GRM8: variants seen among roughly 807,000 people sequenced by gnomAD.
GRM8 encodes the protein glutamate metabotropic receptor 8.
A neutral mutation model predicts 87.2 loss-of-function variants in GRM8; 47 were observed. The observed-to-expected ratio is 0.54, with a 90% CI of 0.43 to 0.69. The LOEUF is 0.69. Ranked by LOEUF, GRM8 falls within the 30% of genes least tolerant of loss-of-function variation. The pLI is 0.00. For missense variants in GRM8, 1,019 were observed against 1,139.2 expected (o/e 0.89, Z 1.52); for synonymous variants, 396 against 404.5 (o/e 0.98, Z 0.25).
At chr7:126,886,424 T>C (rs1313149629) in intron 6 of GRM8, among the ~76,000 whole-genome samples, 2 of 152,148 alleles carry the variant, frequency 1.3e-5, no homozygotes, top group Non-Finnish European at 2.9e-5. Flanking sequence ...TGATCAGAGA[T>C]CTAGTGCACA....
chr7:127,019,418 T>C (rs1816032041), intron 3 of GRM8, among the ~76,000 whole-genome samples: 1 of 152,082 alleles, frequency 6.6e-6, no homozygotes, highest in African/African-American at 2.4e-5. Context: ...GACATTTAAA[T>C]AGCATTATTT....
intron 9 of GRM8, among the ~76,000 whole-genome samples, chr7:126,471,747 T>C (rs1805277554): frequency 1.3e-5 from 2 of 152,032 alleles, no homozygotes; most frequent in South Asian, 2.1e-4. Context: ...GGTAGCTTGA[T>C]GGGGATGGCA....
intron 2 of GRM8, among the ~76,000 whole-genome samples, chr7:127,187,925 T>C (rs1049363134): frequency 6.6e-6 from 1 of 152,242 alleles, no homozygotes; most frequent in Non-Finnish European, 1.5e-5. Flanking sequence ...ATCTCTGATC[T>C]CATTATTCCT....
At chr7:126,571,887 C>T (rs1441197132) in intron 8 of GRM8, among the ~76,000 whole-genome samples, 3 of 151,918 alleles carry the variant, frequency 2.0e-5, no homozygotes, top group Non-Finnish European at 2.9e-5. Flanking sequence ...ATTACAGATG[C>T]ATGCCACCAT....
intron 7 of GRM8, among the ~76,000 whole-genome samples, chr7:126,624,130 A>G (rs1442714628): frequency 6.6e-6 from 1 of 152,180 alleles, no homozygotes; most frequent in Admixed American, 6.5e-5. Flanking sequence ...TCTCTACCCT[A>G]CAGTCAGAAT....
At chr7:127,166,414 G>A (rs1413022372) in intron 2 of GRM8, among the ~76,000 whole-genome samples, 1 of 152,112 alleles carries the variant, frequency 6.6e-6, no homozygotes, top group Admixed American at 6.6e-5. Flanking sequence ...TTGCCAGCCA[G>A]GAACTCAGCA....
intron 2 of GRM8, among the ~76,000 whole-genome samples, chr7:127,134,743 A>T (rs1201994929): frequency 6.6e-6 from 1 of 152,152 alleles, no homozygotes; most frequent in Admixed American, 6.5e-5. Context: ...TATACAAAAA[A>T]AGTTAAGATC....
At chr7:126,579,042 T>C (rs918856639) in intron 8 of GRM8, among the ~76,000 whole-genome samples, 1 of 152,128 alleles carries the variant, frequency 6.6e-6, no homozygotes, top group African/African-American at 2.4e-5. Flanking sequence ...AAAGTAGGTA[T>C]GAAATGGTAT....
chr7:126,704,210 T>C (rs141048686), intron 7 of GRM8, among the ~76,000 whole-genome samples: 2,380 of 152,276 alleles, frequency 0.016, 66 homozygotes, highest in African/African-American at 0.055. Flanking sequence ...TTAATACTTT[T>C]ATAATTTCTT....
intron 6 of GRM8, chr7:126,869,888 G>A (rs1380162355): frequency 7.7e-6 from 1 of 130,604 alleles, no homozygotes; most frequent in African/African-American, 2.9e-5. Context: ...AGATCAGCTT[G>A]TCCTTTGAAG....
At chr7:126,609,137 A>G (rs75848663) in intron 8 of GRM8, among the ~76,000 whole-genome samples, 1 of 152,184 alleles carries the variant, frequency 6.6e-6, no homozygotes, top group Admixed American at 6.5e-5. Flanking sequence ...CAACTGCAGG[A>G]AAAAAATCAG....
chr7:127,213,004 G>A (rs1796314739), intron 2 of GRM8, among the ~76,000 whole-genome samples: 1 of 152,172 alleles, frequency 6.6e-6, no homozygotes, highest in African/African-American at 2.4e-5. Flanking sequence ...GTATTGTTCT[G>A]AACTACTCAA....
chr7:126,489,463 A>G (rs926449792), intron 9 of GRM8, among the ~76,000 whole-genome samples: 8 of 152,074 alleles, frequency 5.3e-5, no homozygotes, highest in Non-Finnish European at 1.2e-4. Flanking sequence ...GCAAAGTACT[A>G]TGTGTGCACA....
chr7:126,637,317 T>C (rs1181695456), intron 7 of GRM8, among the ~76,000 whole-genome samples: 1 of 152,052 alleles, frequency 6.6e-6, no homozygotes, highest in Non-Finnish European at 1.5e-5. Context: ...TACAGAATCA[T>C]ATAAATAAAA....
In GRM8 at chr7:126,937,989, T is replaced by C. The variant is rs560141317; in HGVS notation, c.728-33306A>G. Among the ~76,000 whole-genome samples the C allele has an allele frequency of 9.8e-5, 15 of 152,308 alleles. 1 individual carries two copies. The South Asian group carries it at 1.9e-3, about 19-fold the overall frequency. ...AACAGAGACTATTCATTATCTCCCA[T>C]GTCCATTCTTCTCTTGTCCTTTTAG... On this transcript the variant is annotated intron_variant, in intron 3 of 10. Coordinates refer to ENST00000339582, the MANE Select transcript of GRM8 (RefSeq NM_000845.3).
intron 2 of GRM8, among the ~76,000 whole-genome samples, chr7:127,207,717 G>C (rs1347507048): frequency 6.6e-6 from 1 of 152,094 alleles, no homozygotes; most frequent in African/African-American, 2.4e-5. Context: ...TGGGAAGCCA[G>C]ACCCGTCTCA....
At chr7:127,038,158 T>C (rs1248379861) in intron 3 of GRM8, among the ~76,000 whole-genome samples, 1 of 152,182 alleles carries the variant, frequency 6.6e-6, no homozygotes, top group African/African-American at 2.4e-5. Flanking sequence ...AAAGGAGACG[T>C]TGACAGGAAT....
At chr7:127,055,133 T>G (rs1285816613) in intron 3 of GRM8, among the ~76,000 whole-genome samples, 2 of 152,054 alleles carry the variant, frequency 1.3e-5, no homozygotes, top group African/African-American at 4.8e-5. Flanking sequence ...TGCAGATGGA[T>G]TTTGGTGTTG....
intron 3 of GRM8, among the ~76,000 whole-genome samples, chr7:127,021,619 T>C (rs1204100163): frequency 6.6e-6 from 1 of 152,038 alleles, no homozygotes; most frequent in African/African-American, 2.4e-5. Flanking sequence ...TACACCTAAA[T>C]TAAATATCCC....
Sources: gnomAD v4.1 joint callset for allele counts (sites outside exome capture counted in the v4.1 genomes callset) on GRCh38, gnomAD v4.1.1 for gene constraint, MANE v1.5 for transcripts, NCBI Gene and HGNC (gene_info 2026-07-23, HGNC 2026-07-21) for gene names.